MIR2052HG: variants seen among roughly 807,000 people sequenced by gnomAD.
MIR2052HG encodes the protein MIR2052 host gene.
intron 2 of MIR2052HG, among the ~76,000 whole-genome samples, chr8:74,653,231 A>G (rs990465544): frequency 1.3e-5 from 2 of 152,184 alleles, no homozygotes; most frequent in African/African-American, 4.8e-5. Flanking sequence ...ATGTCAAACC[A>G]TAATGCAAAG....
intron 2 of MIR2052HG, among the ~76,000 whole-genome samples, chr8:74,678,561 C>A (rs1809081290): frequency 2.9e-5 from 2 of 68,764 alleles, no homozygotes; most frequent in East Asian, 5.8e-4. Flanking sequence ...TAGAGTTTGT[C>A]TCAAAAAAAA....
chr8:74,619,593 A>G (rs1388447803), intron 2 of MIR2052HG, among the ~76,000 whole-genome samples: 3 of 152,222 alleles, frequency 2.0e-5, no homozygotes, highest in Non-Finnish European at 4.4e-5. Flanking sequence ...ACAGGGTGGC[A>G]GGATGGAGTA....
intron 4 of MIR2052HG, among the ~76,000 whole-genome samples, chr8:74,750,957 T>C (rs982795729): frequency 2.0e-5 from 3 of 152,218 alleles, no homozygotes; most frequent in Non-Finnish European, 2.9e-5. Context: ...AATTATACAC[T>C]GTTCACAACG....
At chr8:74,628,109 A>G (rs1287357033) in intron 2 of MIR2052HG, among the ~76,000 whole-genome samples, 2 of 152,178 alleles carry the variant, frequency 1.3e-5, no homozygotes, top group African/African-American at 2.4e-5. Context: ...AAGAGAGAGT[A>G]ACTCATATTT....
At chr8:74,689,045 T>C (rs1282952549) in intron 2 of MIR2052HG, among the ~76,000 whole-genome samples, 1 of 152,184 alleles carries the variant, frequency 6.6e-6, no homozygotes, top group Non-Finnish European at 1.5e-5. Flanking sequence ...TTGTAGTAAG[T>C]GAGAGTTTTG....
At chr8:74,732,182 A>G (rs1809699443) in intron 4 of MIR2052HG, among the ~76,000 whole-genome samples, 1 of 152,218 alleles carries the variant, frequency 6.6e-6, no homozygotes, top group African/African-American at 2.4e-5. Context: ...AAATTAAAAA[A>G]TACAGTATAA....
chr8:74,634,108 A>G (rs1808552556), intron 2 of MIR2052HG, among the ~76,000 whole-genome samples: 1 of 152,176 alleles, frequency 6.6e-6, no homozygotes, highest in Admixed American at 6.5e-5. Context: ...CTATTCTAAC[A>G]CTTGTAGAAA....
intron 2 of MIR2052HG, among the ~76,000 whole-genome samples, chr8:74,627,444 G>A (rs1808451499): frequency 6.6e-6 from 1 of 152,210 alleles, no homozygotes; most frequent in South Asian, 2.1e-4. Flanking sequence ...TACTGTAGAA[G>A]CATTCTGAGA....
At chr8:74,740,821 T>C (rs1230788539) in intron 4 of MIR2052HG, among the ~76,000 whole-genome samples, 1 of 152,200 alleles carries the variant, frequency 6.6e-6, no homozygotes, top group African/African-American at 2.4e-5. Flanking sequence ...AGTTAAGTGT[T>C]GAGGTTTGAT....
chr8:74,634,707 T>C (rs1808559308), intron 2 of MIR2052HG, among the ~76,000 whole-genome samples: 1 of 152,134 alleles, frequency 6.6e-6, no homozygotes, highest in Non-Finnish European at 1.5e-5. Flanking sequence ...AATCTGTTAA[T>C]ACACTGCTCT....
At chr8:74,614,155 A>T (rs1187300379) in intron 2 of MIR2052HG, among the ~76,000 whole-genome samples, 1 of 152,218 alleles carries the variant, frequency 6.6e-6, no homozygotes, top group Non-Finnish European at 1.5e-5. Context: ...GCTTGGAAAC[A>T]GTGGCAACAG....
intron 4 of MIR2052HG, among the ~76,000 whole-genome samples, chr8:74,720,582 C>T (rs1809565680): frequency 6.6e-6 from 1 of 152,092 alleles, no homozygotes; most frequent in South Asian, 2.1e-4. Context: ...TACCTGATTG[C>T]TAATCCAATG....
chr8:74,757,326 C>A (rs2128757308), intron 5 of MIR2052HG: 2 of 152,270 alleles, frequency 1.3e-5, no homozygotes, highest in Middle Eastern at 3.4e-3. Context: ...TCAGACAGAG[C>A]CTTTGGGCAT....
chr8:74,613,739 C>T (rs1046657519), intron 2 of MIR2052HG, among the ~76,000 whole-genome samples: 10 of 152,126 alleles, frequency 6.6e-5, no homozygotes, highest in Admixed American at 2.6e-4. Context: ...CACCCGACTC[C>T]GCCTCCCAAA....
chr8:74,692,343 C>T lies in MIR2052HG; in HGVS notation n.217-10036C>T, dbSNP rs1338121043. Among the ~76,000 whole-genome samples the T allele has an allele frequency of 5.3e-5, 8 of 152,254 alleles. No individual in the cohort carries two copies. The East Asian group carries it at 5.8e-4, about 11-fold the overall frequency. On this transcript the variant is annotated intron_variant and non_coding_transcript_variant, in intron 2 of 6. Transcript: ENST00000523442. ...TTGGCTTCAAGTGATCTGCCTACCTCGGCCTCCCAAAGTGCCCAGCCTGAA... is the reference window on the plus strand; with the variant it reads ...TTGGCTTCAAGTGATCTGCCTACCTTGGCCTCCCAAAGTGCCCAGCCTGAA...
At chr8:74,744,913 T>G (rs1809868645) in intron 4 of MIR2052HG, among the ~76,000 whole-genome samples, 1 of 152,178 alleles carries the variant, frequency 6.6e-6, no homozygotes, top group African/African-American at 2.4e-5. Flanking sequence ...ATAGAAATGT[T>G]TTGAAAATAC....
intron 4 of MIR2052HG, among the ~76,000 whole-genome samples, chr8:74,720,766 T>C (rs762869243): frequency 2.0e-5 from 3 of 152,120 alleles, no homozygotes; most frequent in Non-Finnish European, 4.4e-5. Flanking sequence ...TATGTACACA[T>C]ATATATGTTT....
chr8:74,718,838 G>A (rs1386322569), intron 4 of MIR2052HG, among the ~76,000 whole-genome samples: 1 of 152,084 alleles, frequency 6.6e-6, no homozygotes, highest in Non-Finnish European at 1.5e-5. Context: ...ATTCATGAGG[G>A]ATCCACCCTT....
intron 2 of MIR2052HG, among the ~76,000 whole-genome samples, chr8:74,622,292 A>G (rs576482519): frequency 1.3e-5 from 2 of 152,330 alleles, no homozygotes; most frequent in African/African-American, 4.8e-5. Context: ...AGGTATATAA[A>G]TGGTCAACAT....
Sources: allele counts gnomAD v4.1 joint callset (sites outside exome capture counted in the v4.1 genomes callset), GRCh38; gene constraint gnomAD v4.1.1; transcripts MANE v1.5; gene names NCBI Gene and HGNC (gene_info 2026-07-23, HGNC 2026-07-21).